SLC4A10: variants seen among roughly 807,000 people sequenced by gnomAD.
SLC4A10 encodes the protein sodium-driven chloride bicarbonate exchanger.
Under a neutral mutation model 137.7 loss-of-function variants are expected in SLC4A10, and 42 were observed. The ratio of observed to expected loss-of-function variants is 0.30; its 90% confidence interval spans 0.24 to 0.39. SLC4A10 has a LOEUF of 0.39. Ranked by LOEUF, SLC4A10 falls within the 10% of genes least tolerant of loss-of-function variation. SLC4A10 has a pLI of 1.00. For missense variants in SLC4A10, 925 were observed against 1,355.0 expected (o/e 0.68, Z 4.98); for synonymous variants, 474 against 464.1 (o/e 1.02, Z -0.27).
chr2:161,879,207 T>C lies in SLC4A10; in HGVS notation c.1025T>C (p.Leu342Ser), dbSNP rs1162187328. ...ATCTTAGTGGGAGAACTGGAGTTCT[T>C]GGATCGAACAGTAGTTGCGTTTGTC... is the stretch of plus-strand genomic sequence containing the variant. ...SNILVGELEF[L>S]DRTVVAFVRL... is the part of the protein sequence containing the mutation. The change falls in exon 9 of 27, where the codon TTG becomes TCG. Residue 342 changes from leucine to serine, a missense_variant. By Grantham distance (145) the Leu-to-Ser change is moderately radical (BLOSUM62 -2). This residue lies in a region of SLC4A10 where 277 missense variants were observed against 306.1 expected (regional missense o/e 0.90). Transcript: ENST00000446997. 1.2e-6 allele frequency: 2 copies of C among 1,613,386 alleles called. No individual in the cohort carries two copies. Among genetic ancestry groups the C allele is most frequent in the African/African-American group, 1.3e-5 (1 of 74,916 alleles).
rs2059082736 is a variant in SLC4A10 at position 161,840,020 on chromosome 2, A to G, written c.416+93A>G. The G allele has an allele frequency of 1.2e-5, 17 of 1,474,490 alleles. 1 individual carries two copies. The highest frequency in any genetic ancestry group is 1.6e-5 in the Non-Finnish European group (17 of 1,066,572). 91.3% of individuals were successfully genotyped at this position (1,474,490 alleles called of 1,614,324 possible). A position where few individuals can be genotyped will look rare whatever the true frequency, so the allele number is the denominator to read the frequency against. ...TAATGCAACAATTTTGCAAACATCTATGATTGCTGCTGATTTTAGAAGTTG... is the reference window on the plus strand; with the variant it reads ...TAATGCAACAATTTTGCAAACATCTGTGATTGCTGCTGATTTTAGAAGTTG... On this transcript the variant is annotated intron_variant, in intron 4 of 26. Coordinates refer to ENST00000446997, the MANE Select transcript of SLC4A10 (RefSeq NM_001178015.2).
At chr2:161,905,044 C>T (rs920658372) in intron 14 of SLC4A10, 135 bp downstream of exon 14, 2 of 859,098 alleles carry the variant, frequency 2.3e-6, no homozygotes, top group African/African-American at 1.7e-5. Flanking sequence ...ATCATTTTTG[C>T]TTCATCATGG....
At chr2:161,834,367 G>C (rs2058627636) in intron 3 of SLC4A10, among the ~76,000 whole-genome samples, 1 of 152,050 alleles carries the variant, frequency 6.6e-6, no homozygotes, top group Non-Finnish European at 1.5e-5. Flanking sequence ...AAAGATTTGG[G>C]TATGATAGAG....
At chr2:161,892,138 A>C (rs1281089556) in intron 10 of SLC4A10, among the ~76,000 whole-genome samples, 3 of 152,094 alleles carry the variant, frequency 2.0e-5, no homozygotes, top group Non-Finnish European at 2.9e-5. Context: ...AGGGAGCTTT[A>C]AAATAACAGG....
At chr2:161,633,954 T>C (rs1426034771) in intron 1 of SLC4A10, among the ~76,000 whole-genome samples, 2 of 151,792 alleles carry the variant, frequency 1.3e-5, no homozygotes, top group African/African-American at 4.8e-5. Context: ...AGTACAGAAT[T>C]CCCATATCCT....
rs939355588 is a variant in SLC4A10, at chr2:161,701,842, AC to A, written c.49-69129del. Among the ~76,000 whole-genome samples, 16 of 151,550 alleles carry A rather than the reference AC, an allele frequency of 1.1e-4. 1 individual carries two copies. The highest frequency in any genetic ancestry group is 3.9e-4 in the African/African-American group (16 of 41,462). ...AATCATCAGAGATATGCAAATCAAA[AC>A]CACAACGAGATACCATTTCACCTCA... On this transcript the variant is annotated intron_variant, in intron 1 of 26. Transcript: ENST00000446997.
chr2:161,754,142 T>C (rs2049321481), intron 1 of SLC4A10, among the ~76,000 whole-genome samples: 1 of 152,140 alleles, frequency 6.6e-6, no homozygotes, highest in East Asian at 1.9e-4. Flanking sequence ...GGGCTCAAGT[T>C]ATCTGTGCCT....
At chr2:161,974,426 A>G (rs1575952035) in intron 24 of SLC4A10, 110 bp downstream of exon 24, 1 of 846,978 alleles carries the variant, frequency 1.2e-6, no homozygotes, top group South Asian at 3.0e-5. Context: ...GAAATTGTAT[A>G]AGAGTAGAAA....
chr2:161,764,955 G>A (rs1394917876), intron 1 of SLC4A10, among the ~76,000 whole-genome samples: 2 of 152,100 alleles, frequency 1.3e-5, no homozygotes, highest in African/African-American at 4.8e-5. Flanking sequence ...TTGATTAGAA[G>A]CCTATGTAAA....
At chr2:161,940,764 G>A (rs1692535947) in intron 15 of SLC4A10, among the ~76,000 whole-genome samples, 1 of 152,176 alleles carries the variant, frequency 6.6e-6, no homozygotes, top group Admixed American at 6.5e-5. Flanking sequence ...ATCAGGAAAA[G>A]AGATAGCTAA....
chr2:161,749,886 T>C (rs909737697), intron 1 of SLC4A10, among the ~76,000 whole-genome samples: 1 of 151,860 alleles, frequency 6.6e-6, no homozygotes, highest in African/African-American at 2.4e-5. Flanking sequence ...TGAAGCCATC[T>C]TGTCTTCTTT....
chr2:161,641,501 C>A (rs899844269), intron 1 of SLC4A10, among the ~76,000 whole-genome samples: 2 of 152,048 alleles, frequency 1.3e-5, no homozygotes, highest in African/African-American at 4.8e-5. Flanking sequence ...ACAATTAGTT[C>A]TTAAGAGCTG....
chr2:161,950,436 G>A (rs1038399629), intron 18 of SLC4A10, among the ~76,000 whole-genome samples: 1 of 151,944 alleles, frequency 6.6e-6, no homozygotes, highest in African/African-American at 2.4e-5. Flanking sequence ...GCAAGTTACT[G>A]GATCTCTCTG....
intron 1 of SLC4A10, among the ~76,000 whole-genome samples, chr2:161,684,631 G>A (rs897209156): frequency 6.6e-6 from 1 of 152,146 alleles, no homozygotes; most frequent in Non-Finnish European, 1.5e-5. Flanking sequence ...ACCTGATTTT[G>A]TCTCACTTTC....
At chr2:161,980,130 T>C (rs1294974294) in intron 26 of SLC4A10, among the ~76,000 whole-genome samples, 2 of 152,184 alleles carry the variant, frequency 1.3e-5, no homozygotes, top group African/African-American at 4.8e-5. Context: ...CTACGTTTTT[T>C]AAACTGATGC....
intron 15 of SLC4A10, among the ~76,000 whole-genome samples, chr2:161,923,311 T>C (rs1389996201): frequency 2.6e-5 from 4 of 152,232 alleles, no homozygotes; most frequent in Non-Finnish European, 5.9e-5. Context: ...ATTGGCATTT[T>C]ATACTGGTGT....
intron 1 of SLC4A10, among the ~76,000 whole-genome samples, chr2:161,675,867 C>G (rs1252820948): frequency 6.6e-6 from 1 of 152,168 alleles, no homozygotes; most frequent in East Asian, 1.9e-4. Flanking sequence ...CATCTTATAT[C>G]AAGATGGCTT....
rs115622113 is a variant in SLC4A10 at position 161,702,964 on chromosome 2, C to G, written c.49-68009C>G. On this transcript the variant is annotated intron_variant, in intron 1 of 26. Coordinates refer to ENST00000446997, the MANE Select transcript of SLC4A10 (RefSeq NM_001178015.2). The stretch of plus-strand genomic sequence containing the variant: ...AACCTTTGTGTTAATGTATGCCTAC[C>G]TTTCCTTTTCCATTTTCATATTAAC... Among the ~76,000 whole-genome samples the G allele has an allele frequency of 3.9e-3, 598 of 151,778 alleles. 1 individual carries two copies. The highest frequency in any genetic ancestry group is 6.5e-3 in the Non-Finnish European group (441 of 67,712).
intron 1 of SLC4A10, among the ~76,000 whole-genome samples, chr2:161,625,066 CGTGTGTGT>C (rs5835872): frequency 0.11 from 15,890 of 144,150 alleles, 972 homozygotes; most frequent in East Asian, 0.23. Context: ...ACAGAAGGAT[CGTGTGTGT>C]GTGTGTGTGT....
Sources: gnomAD v4.1 joint callset for allele counts (sites outside exome capture counted in the v4.1 genomes callset) on GRCh38, gnomAD v4.1.1 for gene constraint, gnomAD v4.1.1 regional missense constraint, MANE v1.5 for transcripts, NCBI Gene and HGNC (gene_info 2026-07-23, HGNC 2026-07-21) for gene names.